NKD1: variants seen among roughly 807,000 people sequenced by gnomAD.
NKD1 encodes NKD inhibitor of Wnt signaling pathway 1.
A neutral mutation model predicts 56.0 loss-of-function variants in NKD1; 21 were observed. The observed-to-expected ratio is 0.38, with a 90% confidence interval of 0.27 to 0.54. The LOEUF (loss-of-function observed/expected upper bound fraction) is 0.54, where lower values mean the gene tolerates loss of function less well. NKD1 is among the 20% of genes least tolerant of loss of function. NKD1 has a pLI of 0.82. For synonymous variants in NKD1, 263 were observed against 265.7 expected (o/e 0.99, Z 0.10); for missense variants, 578 against 642.7 (o/e 0.90, Z 1.09).
intron 4 of NKD1, among the ~76,000 whole-genome samples, chr16:50,609,483 C>T (rs1042197828): frequency 1.3e-5 from 2 of 152,118 alleles, no homozygotes; most frequent in African/African-American, 4.8e-5. Context: ...GGCCATGGTG[C>T]AAGGGTCTGC....
intron 3 of NKD1, among the ~76,000 whole-genome samples, chr16:50,603,306 C>G (rs1235753317): frequency 6.6e-6 from 1 of 152,192 alleles, no homozygotes; most frequent in Non-Finnish European, 1.5e-5. Context: ...TGTCCTGCCT[C>G]CCGAGAGGGG....
intron 6 of NKD1, among the ~76,000 whole-genome samples, chr16:50,629,556 C>T (rs528375851): frequency 2.6e-5 from 4 of 152,292 alleles, no homozygotes; most frequent in East Asian, 3.9e-4. Context: ...AGAGCTTTCT[C>T]AGGTACAAGG....
intron 3 of NKD1, among the ~76,000 whole-genome samples, chr16:50,605,898 T>C (rs1279101274): frequency 1.3e-5 from 2 of 152,056 alleles, no homozygotes; most frequent in Admixed American, 6.5e-5. Flanking sequence ...TACAAATAAG[T>C]AGGCTGAGGT....
chr16:50,565,748 A>T (rs1233078120), intron 3 of NKD1, among the ~76,000 whole-genome samples: 1 of 152,226 alleles, frequency 6.6e-6, no homozygotes, highest in Non-Finnish European at 1.5e-5. Flanking sequence ...TTAACTTAAG[A>T]TTCATGTATA....
rs1961509703 is a variant in NKD1, at chr16:50,598,004, C to T, written c.193-10290C>T. On this transcript the variant is annotated intron_variant, in intron 3 of 9. Coordinates refer to ENST00000268459, the MANE Select transcript of NKD1 (RefSeq NM_033119.5). This position sits in a 1 kb window ranked among gnomAD's most constrained non-coding sequence, Gnocchi z 4.2. ...TGGCAGTAGAGGGAGGAGGGCGCTC[C>T]GGGTGAAGGGGACAGGATGGTCCAG... 6.6e-6 allele frequency among the ~76,000 whole-genome samples: 1 copy of T among 152,026 alleles called. No individual in the cohort carries two copies. The highest frequency in any genetic ancestry group is 1.5e-5 in the Non-Finnish European group (1 of 68,028).
At chr16:50,614,689 C>A (rs1019026103) in intron 4 of NKD1, among the ~76,000 whole-genome samples, 2 of 152,162 alleles carry the variant, frequency 1.3e-5, no homozygotes, top group Admixed American at 1.3e-4. Context: ...ATAAATATCT[C>A]ACCAACTCAG....
chr16:50,625,188 C>G (rs565429539), intron 5 of NKD1: 14 of 437,416 alleles, frequency 3.2e-5, no homozygotes, highest in Non-Finnish European at 5.8e-5. Context: ...TTCAGCTTTT[C>G]TGAGGCCACA....
chr16:50,617,222 A>G, intron 4 of NKD1, among the ~76,000 whole-genome samples: 1 of 152,228 alleles, frequency 6.6e-6, no homozygotes, highest in East Asian at 1.9e-4. Context: ...GTCTAGACCC[A>G]CAGTCAAAGT....
chr16:50,622,085 TG>T (rs1165740889), intron 5 of NKD1, among the ~76,000 whole-genome samples: 2 of 152,144 alleles, frequency 1.3e-5, no homozygotes, highest in African/African-American at 4.8e-5. Context: ...TGGGGGTGCC[TG>T]TGGGGGATCT....
intron 3 of NKD1, chr16:50,558,360 A>G (rs559391550): frequency 4.0e-4 from 61 of 152,300 alleles, no homozygotes; most frequent in African/African-American, 1.4e-3. Context: ...TGTGCCTAAT[A>G]CTTTCCATGC....
chr16:50,607,428 G>C, intron 3 of NKD1: 1 of 164,516 alleles, frequency 6.1e-6, no homozygotes, highest in Non-Finnish European at 1.3e-5. Context: ...AAGAGAAGTT[G>C]GTGACAGCTG....
chr16:50,608,793 A>C (rs777489293), intron 4 of NKD1, among the ~76,000 whole-genome samples: 1 of 152,166 alleles, frequency 6.6e-6, no homozygotes, highest in African/African-American at 2.4e-5. Context: ...GTGTGCACAC[A>C]CACACACAGC....
At chr16:50,631,196 G>T (rs1205505440) in intron 8 of NKD1, among the ~76,000 whole-genome samples, 1 of 152,174 alleles carries the variant, frequency 6.6e-6, no homozygotes, top group Non-Finnish European at 1.5e-5. Flanking sequence ...TGCTGTTTCT[G>T]CTGGGAGATG....
At position 50,634,136 on chromosome 16, in the gene NKD1, T is replaced by C; in HGVS notation, c.*355T>C. 1 of 200,358 alleles carries C rather than the reference T, an allele frequency of 5.0e-6. No individual in the cohort carries two copies. The highest frequency in any genetic ancestry group is 1.0e-5 in the Non-Finnish European group (1 of 100,326). The allele number at this position is 200,358 out of a possible 1,614,324, so 12.4% of individuals were successfully genotyped here. A position where few individuals can be genotyped will look rare whatever the true frequency, so the allele number is the denominator to read the frequency against. On this transcript the variant is annotated 3_prime_UTR_variant, in exon 10 of 10. Transcript: ENST00000268459. ...GCCTCAACTCTGCCCCACCCCAGCC[T>C]CTTCCAGGAGAGCACCCTTACTTGG...
At position 50,601,639 on chromosome 16, in the gene NKD1, C is replaced by T. The variant is rs143134543; in HGVS notation, c.193-6655C>T. ...GCAGCCTTGGCACCAGAGAAGAGCT[C>T]GTCCCCGTCAGCTCCCGAGGGAGGG... On this transcript the variant is annotated intron_variant, in intron 3 of 9. Coordinates refer to ENST00000268459, the MANE Select transcript of NKD1 (RefSeq NM_033119.5). Among the ~76,000 whole-genome samples, 754 of 152,284 alleles carry T rather than the reference C, an allele frequency of 5.0e-3. 6 individuals are homozygous for T. Among genetic ancestry groups the T allele is most frequent in the African/African-American group, 0.017 (721 of 41,568 alleles).
intron 4 of NKD1, among the ~76,000 whole-genome samples, chr16:50,618,953 G>A (rs761136619): frequency 2.0e-5 from 3 of 152,208 alleles, no homozygotes; most frequent in Non-Finnish European, 4.4e-5. Context: ...GTCCGTGCAC[G>A]GTGGAGGAAG....
chr16:50,580,660 T>TTA (rs1006372544), intron 3 of NKD1, among the ~76,000 whole-genome samples: 3 of 152,224 alleles, frequency 2.0e-5, no homozygotes, highest in African/African-American at 7.2e-5. Context: ...TTTAAACAAT[T>TTA]TGAGCCAACA....
intron 4 of NKD1, among the ~76,000 whole-genome samples, chr16:50,619,414 A>G (rs1962036875): frequency 6.6e-6 from 1 of 152,228 alleles, no homozygotes; most frequent in African/African-American, 2.4e-5. Flanking sequence ...CCCTTTCCCA[A>G]CAGCCCTGTG....
At chr16:50,629,247 G>A (rs1962290507) in intron 6 of NKD1, among the ~76,000 whole-genome samples, 1 of 152,124 alleles carries the variant, frequency 6.6e-6, no homozygotes. Context: ...CCAGGTGTGA[G>A]CCATATCCCT....
Sources: gnomAD v4.1 joint callset for allele counts (sites outside exome capture counted in the v4.1 genomes callset) on GRCh38, gnomAD v4.1.1 for gene constraint, Gnocchi (gnomAD v3.1) non-coding constraint, MANE v1.5 for transcripts, NCBI Gene and HGNC (gene_info 2026-07-23, HGNC 2026-07-21) for gene names.